The following LRP5 variants were observed in gnomAD, a reference collection of about 807,000 sequenced individuals.
The protein encoded by LRP5 is LDL receptor related protein 5.
A neutral mutation model predicts 154.1 loss-of-function variants in LRP5; 62 were observed. The ratio of observed to expected loss-of-function variants is 0.40; its 90% CI spans 0.33 to 0.50. The LOEUF (loss-of-function observed/expected upper bound fraction) is 0.50, where lower values mean the gene tolerates loss of function less well. Ranked by LOEUF, LRP5 falls within the 20% of genes least tolerant of loss-of-function variation. The pLI is 0.55. For synonymous variants in LRP5, 966 were observed against 1,011.5 expected (o/e 0.96, Z 0.85); for missense variants, 1,915 against 2,336.7 (o/e 0.82, Z 3.72).
chr11:68,325,662 T>C (rs1169165046), intron 1 of LRP5, among the ~76,000 whole-genome samples: 2 of 152,112 alleles, frequency 1.3e-5, no homozygotes, highest in Admixed American at 1.3e-4. Context: ...AGGGTCGGGG[T>C]CCTGGGGGTT....
intron 1 of LRP5, among the ~76,000 whole-genome samples, chr11:68,320,325 A>T (rs1257334083): frequency 6.6e-6 from 1 of 152,220 alleles, no homozygotes; most frequent in Non-Finnish European, 1.5e-5. Context: ...CAGTTTGGTT[A>T]AAAATTATAA....
chr11:68,356,611 G>A (rs1201065308), intron 2 of LRP5, among the ~76,000 whole-genome samples: 1 of 152,172 alleles, frequency 6.6e-6, no homozygotes, highest in Non-Finnish European at 1.5e-5. Flanking sequence ...GATGAAAGCT[G>A]GCTGACGCAC....
chr11:68,377,006 C>T (rs552505751), intron 5 of LRP5, among the ~76,000 whole-genome samples: 69 of 152,308 alleles, frequency 4.5e-4, no homozygotes, highest in African/African-American at 1.4e-3. Context: ...GGAGGGCTGG[C>T]GCGGTGGCTC....
chr11:68,336,241 G>T (rs2098605613), intron 1 of LRP5, among the ~76,000 whole-genome samples: 1 of 152,198 alleles, frequency 6.6e-6, no homozygotes, highest in African/African-American at 2.4e-5. Flanking sequence ...AGTTCTGGAG[G>T]ACTGGTGGGG....
chr11:68,335,692 T>C (rs953278393), intron 1 of LRP5, among the ~76,000 whole-genome samples: 3 of 152,214 alleles, frequency 2.0e-5, no homozygotes, highest in Non-Finnish European at 4.4e-5. Flanking sequence ...GGCAGCCTCA[T>C]GCACCTAGGA....
At chr11:68,441,387 G>GTCT (rs2098678135) in intron 21 of LRP5, among the ~76,000 whole-genome samples, 1 of 152,194 alleles carries the variant, frequency 6.6e-6, no homozygotes, top group Non-Finnish European at 1.5e-5. Flanking sequence ...CTGGGGTATT[G>GTCT]TCTTCTTATG....
In LRP5 at chr11:68,417,437, G is replaced by A. The variant is rs1223648343; in HGVS notation, c.3027+910G>A. Among the ~76,000 whole-genome samples the A allele has an allele frequency of 2.4e-5, 3 of 126,894 alleles. No individual in the cohort carries two copies. The Admixed American group carries it at 2.6e-4, about 11-fold the overall frequency. 83.2% of individuals were successfully genotyped at this position (126,894 alleles called of 152,430 possible). On this transcript the variant is annotated intron_variant, in intron 13 of 22. Transcript: ENST00000294304. Reference sequence around the variant, plus strand: ...AATTGTCCTAATACATCATTGCATTGGAACAGATTGGCTTTTTTTTTTTTT... The same window carrying A: ...AATTGTCCTAATACATCATTGCATTAGAACAGATTGGCTTTTTTTTTTTTT...
intron 10 of LRP5, 146 bp from the exon 11 acceptor site, chr11:68,411,290 G>C (rs1394200064): frequency 6.3e-6 from 5 of 796,972 alleles, no homozygotes; most frequent in Non-Finnish European, 1.0e-5. Context: ...CGAGGGTCTC[G>C]CCCTTCCCTG....
chr11:68,369,151 T>C (rs1404942209), intron 5 of LRP5, among the ~76,000 whole-genome samples: 1 of 152,158 alleles, frequency 6.6e-6, no homozygotes, highest in African/African-American at 2.4e-5. Context: ...GCCTGAACAA[T>C]ATCTTATCAA....
At chr11:68,344,849 CTTTTTTTTTTTTTTTTT>C (rs58477287) in intron 1 of LRP5, among the ~76,000 whole-genome samples, 2 of 65,544 alleles carry the variant, frequency 3.1e-5, no homozygotes, top group African/African-American at 6.2e-5. Flanking sequence ...GAATCTCTCT[CTTTTTTTTTTTTTTTTT>C]TTTTTTTTTT....
chr11:68,435,681 G>A (rs2098674460), intron 18 of LRP5, among the ~76,000 whole-genome samples: 1 of 152,112 alleles, frequency 6.6e-6, no homozygotes, highest in African/African-American at 2.4e-5. Context: ...ATTTTATTCT[G>A]TTCTATGCTA....
At chr11:68,390,593 G>A (rs1156623665) in intron 7 of LRP5, among the ~76,000 whole-genome samples, 1 of 152,252 alleles carries the variant, frequency 6.6e-6, no homozygotes, top group Non-Finnish European at 1.5e-5. Flanking sequence ...GTGCAGCCTC[G>A]CCCTGCTGCT....
chr11:68,312,979 C>G (rs1376798299), intron 1 of LRP5, among the ~76,000 whole-genome samples, 174 bp downstream of exon 1: 3 of 148,220 alleles, frequency 2.0e-5, no homozygotes, highest in South Asian at 2.1e-4. Flanking sequence ...CCGCCACGCG[C>G]GGGCCCTTTG....
rs1401997262 is a variant in LRP5, at chr11:68,439,789, GA to G, written c.4364del (p.Lys1455SerfsTer3). The G allele has an allele frequency of 6.2e-7, 1 of 1,611,492 alleles. No homozygotes were observed. The highest frequency in any genetic ancestry group is 1.1e-5 in the South Asian group (1 of 90,464). On this transcript the variant is annotated frameshift_variant, in exon 21 of 23. Transcript: ENST00000294304. LOFTEE classifies it high-confidence loss of function. The part of the protein sequence containing the change: ...QHGPFTGIAC[G>X]KSMMSSVSLM... ...CCTTCCCTGCCAGGCATCGCATGCG[GA>G]AAGTCCATGATGAGCTCCGTGAGCC... is the stretch of plus-strand genomic sequence containing the variant.
At position 68,448,928 on chromosome 11, in the gene LRP5, A is replaced by G. The variant is rs2098682916; in HGVS notation, c.4706A>G (p.Asp1569Gly). The G allele has an allele frequency of 6.2e-7, 1 of 1,613,246 alleles. No individual in the cohort carries two copies. ...ASKYYLDLNS[D>G]SDPYPPPPTP... ...AAGTACTACCTGGATTTGAACTCGG[A>G]CTCAGACCCCTATCCACCCCCACCC... The change falls in exon 23 of 23, where the codon GAC becomes GGC. Residue 1569 changes from aspartate (D) to glycine (G), a missense_variant. By Grantham distance (94) the Asp-to-Gly change is moderately conservative. Around this residue, in one of 3 missense-constraint regions of LRP5, gnomAD observed 1,094 missense variants for 1,210.1 expected, o/e 0.90. Coordinates refer to ENST00000294304, the MANE Select transcript of LRP5 (RefSeq NM_002335.4).
intron 7 of LRP5, among the ~76,000 whole-genome samples, chr11:68,394,754 G>A (rs1226969745): frequency 2.0e-5 from 3 of 152,040 alleles, no homozygotes; most frequent in Non-Finnish European, 4.4e-5. Context: ...GTGAGCCACC[G>A]CGCCCGGCCC....
chr11:68,347,992 G>T lies in LRP5; in HGVS notation c.237G>T (p.Trp79Cys). Residue 79 changes from tryptophan (W) to cysteine (C), a missense_variant, in exon 2 of 23, where the codon TGG becomes TGT. By Grantham distance (215) the Trp-to-Cys change is radical (BLOSUM62 -2). Coordinates refer to ENST00000294304, the MANE Select transcript of LRP5 (RefSeq NM_002335.4). Reference protein sequence around the residue: ...DFQFSKGAVYWTDVSEEAIKQ... With the variant: ...DFQFSKGAVYCTDVSEEAIKQ... ...AGTTTTCCAAGGGAGCCGTGTACTGGACAGACGTGAGCGAGGAGGCCATCA... is the reference window on the plus strand; with the variant it reads ...AGTTTTCCAAGGGAGCCGTGTACTGTACAGACGTGAGCGAGGAGGCCATCA... The T allele has an allele frequency of 6.2e-7, 1 of 1,614,192 alleles. No individual in the cohort carries two copies. Among genetic ancestry groups the T allele is most frequent in the Non-Finnish European group, 8.5e-7 (1 of 1,180,038 alleles).
At chr11:68,321,365 T>C (rs1370489572) in intron 1 of LRP5, among the ~76,000 whole-genome samples, 3 of 152,210 alleles carry the variant, frequency 2.0e-5, no homozygotes, top group African/African-American at 7.2e-5. Context: ...TTGGCTCTGC[T>C]TGCACGTTTA....
intron 8 of LRP5, 110 bp from the exon 9 acceptor site, chr11:68,406,414 G>C (rs1415505431): frequency 8.1e-7 from 1 of 1,227,392 alleles, no homozygotes; most frequent in African/African-American, 1.5e-5. Context: ...CCTGAGCTCG[G>C]CACCCCTGAG....
Sources: allele counts gnomAD v4.1 joint callset (sites outside exome capture counted in the v4.1 genomes callset), GRCh38; gene constraint gnomAD v4.1.1; regional missense constraint gnomAD v4.1.1; transcripts MANE v1.5; gene names NCBI Gene and HGNC (gene_info 2026-07-23, HGNC 2026-07-21).